IRAK1BP1: variants seen among roughly 807,000 people sequenced by gnomAD.
IRAK1BP1 encodes interleukin 1 receptor associated kinase 1 binding protein 1.
IRAK1BP1 carries 24 observed loss-of-function variants against 28.0 expected under a neutral mutation model. That is an observed-to-expected ratio of 0.86 (90% confidence interval 0.62 to 1.20). The LOEUF (loss-of-function observed/expected upper bound fraction) is 1.20. Ranked by LOEUF, IRAK1BP1 falls within the 50% of genes most tolerant of loss-of-function variation. The pLI, the probability that IRAK1BP1 is intolerant of heterozygous loss-of-function variation, is 0.00. For missense variants in IRAK1BP1, 336 were observed against 316.7 expected (o/e 1.06, Z -0.46); for synonymous variants, 131 against 116.3 (o/e 1.13, Z -0.81).
the IRAK1BP1 span, among the ~76,000 whole-genome samples, chr6:78,975,055 G>A: frequency 6.6e-6 from 1 of 150,850 alleles, no homozygotes. Context: ...CCAAAGCTGG[G>A]CAGAGACACA....
At chr6:78,895,056 C>T (rs1021768654) in intron 2 of IRAK1BP1, among the ~76,000 whole-genome samples, 4 of 150,834 alleles carry the variant, frequency 2.7e-5, no homozygotes, top group African/African-American at 7.3e-5. Context: ...TGCAGTGAGC[C>T]GAGATCGTGC....
intron 1 of IRAK1BP1, among the ~76,000 whole-genome samples, chr6:78,868,919 C>G (rs1770693206): frequency 6.6e-6 from 1 of 152,170 alleles, no homozygotes; most frequent in Non-Finnish European, 1.5e-5. Context: ...ATTGTTACTT[C>G]CAGTCTATTG....
downstream of IRAK1BP1, among the ~76,000 whole-genome samples, chr6:78,948,994 T>C (rs976544627): frequency 1.3e-5 from 2 of 152,206 alleles, no homozygotes; most frequent in Non-Finnish European, 2.9e-5. Flanking sequence ...CTTGCCTTAT[T>C]GCATTGGCTA....
chr6:78,961,961 TAA>T, the IRAK1BP1 span: 1 of 609,018 alleles, frequency 1.6e-6, no homozygotes, highest in Non-Finnish European at 2.8e-6. Flanking sequence ...GTAGCTGACA[TAA>T]AGAGTCTCAC....
At chr6:78,945,652 G>A (rs541083538) in exon 5 of IRAK1BP1, 28 of 636,928 alleles carry the variant, frequency 4.4e-5, no homozygotes, top group African/African-American at 1.3e-4. Flanking sequence ...GGAAAAAGGC[G>A]TATCCAACTA....
At chr6:78,896,111 A>G (rs904616819) in intron 2 of IRAK1BP1, among the ~76,000 whole-genome samples, 13 of 152,148 alleles carry the variant, frequency 8.5e-5, no homozygotes, top group African/African-American at 2.9e-4. Flanking sequence ...AAATGGAGAA[A>G]CACTTCTTGT....
At chr6:78,943,482 A>G (rs1053154855) in intron 4 of IRAK1BP1, among the ~76,000 whole-genome samples, 2 of 152,228 alleles carry the variant, frequency 1.3e-5, no homozygotes, top group Non-Finnish European at 2.9e-5. Context: ...TTCAGTTCAG[A>G]AAGGGGGCAG....
chr6:78,930,896 A>G (rs544061995), intron 4 of IRAK1BP1, among the ~76,000 whole-genome samples: 1 of 152,236 alleles, frequency 6.6e-6, no homozygotes, highest in Non-Finnish European at 1.5e-5. Flanking sequence ...GCACCACTGC[A>G]CTCCAGCCTG....
At chr6:78,878,358 C>G (rs1460574126) in intron 1 of IRAK1BP1, among the ~76,000 whole-genome samples, 4 of 152,226 alleles carry the variant, frequency 2.6e-5, no homozygotes, top group Admixed American at 6.5e-5. Flanking sequence ...TGTTCTGCAG[C>G]CTCCGCTGCT....
At chr6:78,876,327 C>A (rs932474512) in intron 1 of IRAK1BP1, among the ~76,000 whole-genome samples, 1 of 152,274 alleles carries the variant, frequency 6.6e-6, no homozygotes, top group Admixed American at 6.5e-5. Context: ...GAGAGTCAAA[C>A]CTCATTTGTT....
chr6:78,878,612 C>T (rs1346542747), intron 1 of IRAK1BP1, among the ~76,000 whole-genome samples: 1 of 152,206 alleles, frequency 6.6e-6, no homozygotes, highest in Non-Finnish European at 1.5e-5. Flanking sequence ...AATGCAGCTC[C>T]TCGCCAGCAA....
chr6:78,901,310 G>A lies in IRAK1BP1; in HGVS notation c.*2976G>A, dbSNP rs976706682. ...TACATTTTTCTATAGAAGAGCTTAG[G>A]GAAGAAATCATTCAAAGATTGGAAA... On this transcript the variant is annotated 3_prime_UTR_variant, in exon 4 of 4. Transcript: ENST00000369940. The A allele has an allele frequency of 6.6e-6, 1 of 151,770 alleles. No homozygotes were observed. Among genetic ancestry groups the A allele is most frequent in the African/African-American group, 2.4e-5 (1 of 41,336 alleles). The allele number at this position is 151,770 out of a possible 1,614,324, so 9.4% of individuals were successfully genotyped here.
intron 2 of IRAK1BP1, among the ~76,000 whole-genome samples, chr6:78,886,874 T>C (rs560883249): frequency 6.6e-6 from 1 of 152,210 alleles, no homozygotes; most frequent in Non-Finnish European, 1.5e-5. Context: ...TTTAATGTTT[T>C]ATATTCAGAT....
chr6:78,909,937 A>T (rs1419475820), intron 4 of IRAK1BP1, among the ~76,000 whole-genome samples: 1 of 152,198 alleles, frequency 6.6e-6, no homozygotes, highest in Non-Finnish European at 1.5e-5. Flanking sequence ...TTTTCATTAC[A>T]GTATTCTGTT....
chr6:78,941,429 G>T, intron 4 of IRAK1BP1: 1 of 661,420 alleles, frequency 1.5e-6, no homozygotes, highest in South Asian at 2.6e-5. Flanking sequence ...TATATGTAAT[G>T]ACATAATCCA....
intron 4 of IRAK1BP1, among the ~76,000 whole-genome samples, chr6:78,916,816 C>A (rs1003297641): frequency 2.6e-5 from 4 of 151,996 alleles, no homozygotes; most frequent in African/African-American, 7.2e-5. Flanking sequence ...TGGTGGCACA[C>A]ACCTGTAGTC....
rs191756094 is a variant in IRAK1BP1 at position 78,867,667 on chromosome 6, A to G, written c.91A>G (p.Arg31Gly). 8.3e-4 allele frequency: 1,340 copies of G among 1,614,240 alleles called. 16 individuals carry two copies. The Admixed American group carries it at 8.5e-3, about 10-fold the overall frequency. Residue 31 changes from arginine to glycine, a missense_variant, in exon 1 of 4, where the codon AGA (arginine) becomes GGA (glycine). Transcript: ENST00000369940. ...RSRENNLASG[R>G]ETLPGLRHPL... is the part of the protein sequence containing the mutation. ...CCGGGAGAACAACCTGGCCTCAGGGAGAGAGACGCTACCGGGCTTACGCCA... is the reference window on the plus strand; with the variant it reads ...CCGGGAGAACAACCTGGCCTCAGGGGGAGAGACGCTACCGGGCTTACGCCA...
At chr6:78,872,159 A>G (rs1273578434) in intron 1 of IRAK1BP1, 3 of 697,894 alleles carry the variant, frequency 4.3e-6, no homozygotes, top group South Asian at 1.5e-5. Flanking sequence ...CCTGGTTCCT[A>G]GAGTTTCTCT....
intron 4 of IRAK1BP1, among the ~76,000 whole-genome samples, chr6:78,928,626 C>A (rs1772955677): frequency 6.6e-6 from 1 of 152,056 alleles, no homozygotes; most frequent in Admixed American, 6.6e-5. Context: ...CAGTTTTTCC[C>A]CACTCAGTAT....
Sources: gnomAD v4.1 joint callset for allele counts (sites outside exome capture counted in the v4.1 genomes callset) on GRCh38, gnomAD v4.1.1 for gene constraint, MANE v1.5 for transcripts, NCBI Gene and HGNC (gene_info 2026-07-23, HGNC 2026-07-21) for gene names.